Variants in LUZP2 observed in about 807,000 individuals in gnomAD.
LUZP2 encodes the protein leucine zipper protein 2.
Under a neutral mutation model 51.6 loss-of-function variants are expected in LUZP2, and 52 were observed. The ratio of observed to expected loss-of-function variants is 1.01; its 90% CI spans 0.81 to 1.27. The LOEUF is 1.27. Ranked by LOEUF, LUZP2 falls within the 50% of genes most tolerant of loss-of-function variation. LUZP2 has a pLI of 0.00. For missense variants in LUZP2, 436 were observed against 395.4 expected (o/e 1.10, Z -0.87); for synonymous variants, 154 against 137.3 (o/e 1.12, Z -0.85).
At chr11:24,516,416 G>T (rs1320343547) in intron 1 of LUZP2, among the ~76,000 whole-genome samples, 2 of 152,296 alleles carry the variant, frequency 1.3e-5, no homozygotes, top group Non-Finnish European at 2.9e-5. Flanking sequence ...GGACTCCAGA[G>T]AAATGGGATA....
chr11:24,538,010 C>A (rs1851235051), intron 1 of LUZP2, among the ~76,000 whole-genome samples: 1 of 125,218 alleles, frequency 8.0e-6, no homozygotes, highest in African/African-American at 3.1e-5. Flanking sequence ...TTTTATAGGG[C>A]CACTTCTTTG....
At chr11:24,769,706 T>TGG (rs35763756) in intron 5 of LUZP2, among the ~76,000 whole-genome samples, 2 of 148,218 alleles carry the variant, frequency 1.3e-5, no homozygotes, top group Admixed American at 6.7e-5. Flanking sequence ...TTTTTTTTTT[T>TGG]GGGATTATAA....
chr11:24,513,135 G>A (rs1026785276), intron 1 of LUZP2, among the ~76,000 whole-genome samples: 1 of 152,088 alleles, frequency 6.6e-6, no homozygotes, highest in African/African-American at 2.4e-5. Context: ...AAAATAGATG[G>A]TATTGATGTT....
intron 1 of LUZP2, among the ~76,000 whole-genome samples, chr11:24,662,539 A>T (rs2133984836): frequency 6.6e-6 from 1 of 152,270 alleles, no homozygotes; most frequent in South Asian, 2.1e-4. Flanking sequence ...ATCATTCTAT[A>T]AAGTTTTCTG....
chr11:24,786,589 TGCA>T, intron 5 of LUZP2: 1 of 263,018 alleles, frequency 3.8e-6, no homozygotes, highest in Non-Finnish European at 5.8e-6. Context: ...AATATATATT[TGCA>T]TTATATTATA....
intron 5 of LUZP2, among the ~76,000 whole-genome samples, chr11:24,865,232 A>T (rs780343549): frequency 9.2e-5 from 14 of 152,218 alleles, no homozygotes; most frequent in Non-Finnish European, 1.9e-4. Context: ...GTCAGCTGAA[A>T]ACTGATGTTT....
chr11:24,634,760 G>T (rs573157081), intron 1 of LUZP2, among the ~76,000 whole-genome samples: 1 of 152,168 alleles, frequency 6.6e-6, no homozygotes, highest in Non-Finnish European at 1.5e-5. Context: ...AAGGTGAAAG[G>T]GCTTGAGTTC....
chr11:24,725,852 T>C (rs991352185), intron 1 of LUZP2, among the ~76,000 whole-genome samples: 4 of 152,106 alleles, frequency 2.6e-5, no homozygotes, highest in African/African-American at 9.7e-5. Flanking sequence ...CCAATATGAC[T>C]AGTGTTCTTA....
At chr11:24,917,216 G>A (rs1343560558) in intron 7 of LUZP2, among the ~76,000 whole-genome samples, 1 of 151,994 alleles carries the variant, frequency 6.6e-6, no homozygotes, top group Non-Finnish European at 1.5e-5. Context: ...TGAGTTCTTT[G>A]TAGATTCTGA....
chr11:24,630,059 A>G (rs1369600656), intron 1 of LUZP2, among the ~76,000 whole-genome samples: 2 of 151,026 alleles, frequency 1.3e-5, no homozygotes, highest in African/African-American at 4.9e-5. Context: ...GTTTTTACTG[A>G]GTCGTTGAAG....
intron 1 of LUZP2, among the ~76,000 whole-genome samples, chr11:24,582,763 G>GT (rs1021839638): frequency 2.2e-3 from 332 of 151,240 alleles, no homozygotes; most frequent in African/African-American, 6.4e-3. Flanking sequence ...TTTTGTTTTT[G>GT]TTTTTTTTGA....
chr11:24,911,028 A>G (rs1228395626), intron 6 of LUZP2, among the ~76,000 whole-genome samples: 1 of 152,140 alleles, frequency 6.6e-6, no homozygotes, highest in Non-Finnish European at 1.5e-5. Context: ...GTCAAAGGAG[A>G]TAATTTTGGA....
intron 1 of LUZP2, among the ~76,000 whole-genome samples, chr11:24,569,069 A>G (rs2133795007): frequency 6.8e-6 from 1 of 146,004 alleles, no homozygotes; most frequent in South Asian, 2.1e-4. Context: ...ACAGAAAAGC[A>G]TTAACTATTG....
chr11:24,572,112 C>T (rs1212409102), intron 1 of LUZP2, among the ~76,000 whole-genome samples: 4 of 151,592 alleles, frequency 2.6e-5, no homozygotes, highest in African/African-American at 4.8e-5. Flanking sequence ...GGACGGAAGC[C>T]CAATAAATAG....
intron 1 of LUZP2, among the ~76,000 whole-genome samples, chr11:24,571,781 A>G (rs1411052284): frequency 6.6e-6 from 1 of 152,002 alleles, no homozygotes; most frequent in Admixed American, 6.6e-5. Context: ...TGCTAAATCT[A>G]TTTGTATCTG....
intron 1 of LUZP2, among the ~76,000 whole-genome samples, chr11:24,713,353 C>T (rs560934459): frequency 1.3e-5 from 2 of 152,206 alleles, no homozygotes; most frequent in South Asian, 2.1e-4. Flanking sequence ...ATCGAAGTCA[C>T]TCTTATTCAG....
chr11:24,861,069 T>C (rs537545715), intron 5 of LUZP2, among the ~76,000 whole-genome samples: 26 of 152,274 alleles, frequency 1.7e-4, no homozygotes, highest in African/African-American at 5.8e-4. Flanking sequence ...GATAAAAGAT[T>C]TGAAGAACTG....
rs542254756 is a variant in LUZP2, at chr11:24,961,904, T to C, written c.523-14687T>C. On this transcript the variant is annotated intron_variant, in intron 7 of 11. Coordinates refer to ENST00000336930, the MANE Select transcript of LUZP2 (RefSeq NM_001009909.4). ...CTGGTACCGGTTGTTCCTTTCCATG[T>C]TTAGTGCTTCCTTCAGGGGCTGTTT... Among the ~76,000 whole-genome samples, 257 of 152,162 alleles carry C rather than the reference T, an allele frequency of 1.7e-3. 2 individuals carry two copies. Among genetic ancestry groups the C allele is most frequent in the African/African-American group, 6.0e-3 (251 of 41,490 alleles).
At chr11:24,839,921 T>C (rs1379169616) in intron 5 of LUZP2, among the ~76,000 whole-genome samples, 1 of 151,728 alleles carries the variant, frequency 6.6e-6, no homozygotes, top group Non-Finnish European at 1.5e-5. Flanking sequence ...ACATAAGTAA[T>C]ACCCTAACAT....
Sources: allele counts gnomAD v4.1 joint callset (sites outside exome capture counted in the v4.1 genomes callset), GRCh38; gene constraint gnomAD v4.1.1; transcripts MANE v1.5; gene names NCBI Gene and HGNC (gene_info 2026-07-23, HGNC 2026-07-21).